SLC9B1: variants seen among roughly 807,000 people sequenced by gnomAD.
SLC9B1 encodes sodium/hydrogen exchanger 9B1.
A neutral mutation model predicts 51.7 loss-of-function variants in SLC9B1; 32 were observed. The observed-to-expected ratio is 0.62, with a 90% CI of 0.47 to 0.83. The LOEUF is 0.83. Ranked by LOEUF, SLC9B1 falls within the 40% of genes least tolerant of loss-of-function variation. The probability of loss-of-function intolerance (pLI) is 0.00; values close to 1 mark genes in which losing one functional copy is unlikely to be tolerated. For synonymous variants in SLC9B1, 145 were observed against 212.7 expected (o/e 0.68, Z 2.77); for missense variants, 406 against 613.2 (o/e 0.66, Z 3.57).
chr4:103,006,506 G>A (rs1215456397), intron 1 of SLC9B1, among the ~76,000 whole-genome samples: 1 of 151,954 alleles, frequency 6.6e-6, no homozygotes, highest in East Asian at 1.9e-4. Flanking sequence ...TAATAAAAAG[G>A]TTACCAACTA....
Position 102,996,237 on chromosome 4 carries a change from A to T in SLC9B1, c.-1-4525T>A, listed in dbSNP as rs1012354898. The stretch of plus-strand genomic sequence containing the variant: ...CTTGTCCATTTTTTTGTTGTACTGG[A>T]TCCCATTTTCATACTGATTTGTTGG... On this transcript the variant is annotated intron_variant, in intron 1 of 11. Transcript: ENST00000296422. Among the ~76,000 whole-genome samples, 3 of 152,150 alleles carry T rather than the reference A, an allele frequency of 2.0e-5. No individual in the cohort carries two copies. In the East Asian group the frequency reaches 5.8e-4, roughly 29 times the overall value.
intron 7 of SLC9B1, among the ~76,000 whole-genome samples, chr4:102,929,946 A>G (rs1184088577): frequency 6.6e-6 from 1 of 152,258 alleles, no homozygotes; most frequent in Non-Finnish European, 1.5e-5. Context: ...TGGTAAAAAG[A>G]GTGAGAAAAT....
chr4:102,900,163 C>A (rs964804722), downstream of SLC9B1, among the ~76,000 whole-genome samples: 1 of 152,028 alleles, frequency 6.6e-6, no homozygotes. Context: ...TGAGCTTTTG[C>A]CAAAGAAGTC....
intron 7 of SLC9B1, among the ~76,000 whole-genome samples, chr4:102,921,342 T>A (rs1232124648): frequency 3.3e-5 from 5 of 152,128 alleles, no homozygotes; most frequent in Admixed American, 6.5e-5. Context: ...AATAAAATCC[T>A]TTACAGACAA....
At chr4:102,980,763 C>G (rs1406966537) in intron 3 of SLC9B1, among the ~76,000 whole-genome samples, 1 of 152,038 alleles carries the variant, frequency 6.6e-6, no homozygotes, top group Non-Finnish European at 1.5e-5. Flanking sequence ...AAAAAAATCC[C>G]GGCTCCCACA....
At chr4:103,000,116 C>T (rs1740443333) in intron 1 of SLC9B1, among the ~76,000 whole-genome samples, 1 of 152,260 alleles carries the variant, frequency 6.6e-6, no homozygotes, top group African/African-American at 2.4e-5. Flanking sequence ...TCACCTTCCT[C>T]CCTTGACACA....
At chr4:102,999,269 TC>T (rs1740393271) in intron 1 of SLC9B1, among the ~76,000 whole-genome samples, 1 of 152,258 alleles carries the variant, frequency 6.6e-6, no homozygotes. Context: ...GTTGATAGTG[TC>T]CTTTGTTGCA....
At chr4:102,966,494 G>A (rs1738436618) in intron 3 of SLC9B1, among the ~76,000 whole-genome samples, 1 of 152,212 alleles carries the variant, frequency 6.6e-6, no homozygotes, top group African/African-American at 2.4e-5. Flanking sequence ...TTTATGGTTT[G>A]TATCTTGTGG....
chr4:103,002,213 C>T (rs549439802), intron 1 of SLC9B1, among the ~76,000 whole-genome samples: 109 of 152,306 alleles, frequency 7.2e-4, no homozygotes, highest in African/African-American at 2.5e-3. Context: ...ATCAGGCATA[C>T]CTTACCATTT....
chr4:102,929,335 C>G (rs1036262638), intron 7 of SLC9B1, among the ~76,000 whole-genome samples: 18 of 152,214 alleles, frequency 1.2e-4, no homozygotes, highest in South Asian at 6.2e-4. Context: ...ATCTTGGCTC[C>G]CCTACTTACT....
intron 1 of SLC9B1, among the ~76,000 whole-genome samples, chr4:103,003,561 A>G (rs1740635797): frequency 6.6e-6 from 1 of 152,152 alleles, no homozygotes. Context: ...CTGCTGCCCT[A>G]CTTCCACTGA....
intron 11 of SLC9B1, among the ~76,000 whole-genome samples, chr4:102,895,094 G>T (rs190818158): frequency 6.6e-6 from 1 of 152,252 alleles, no homozygotes; most frequent in East Asian, 1.9e-4. Flanking sequence ...AAAGACTATT[G>T]AGAGGAACTT....
intron 1 of SLC9B1, among the ~76,000 whole-genome samples, chr4:103,011,742 G>T (rs1215658828): frequency 1.3e-5 from 2 of 152,188 alleles, no homozygotes; most frequent in African/African-American, 4.8e-5. Context: ...TTGAGCCACA[G>T]CTGGTGTGGC....
intron 3 of SLC9B1, among the ~76,000 whole-genome samples, chr4:102,957,113 G>C (rs1328839878): frequency 6.6e-6 from 1 of 151,928 alleles, no homozygotes; most frequent in African/African-American, 2.4e-5. Context: ...GACCAATAGA[G>C]GTTAATCAAT....
At chr4:103,008,015 CTTACTGGTTTATAT>C (rs1740880622) in intron 1 of SLC9B1, among the ~76,000 whole-genome samples, 1 of 152,090 alleles carries the variant, frequency 6.6e-6, no homozygotes, top group Non-Finnish European at 1.5e-5. Flanking sequence ...AATAAGACTT[CTTACTGGTTTATAT>C]TCCAGTGTCT....
chr4:103,003,895 C>A (rs1208513898), intron 1 of SLC9B1, among the ~76,000 whole-genome samples: 1 of 152,124 alleles, frequency 6.6e-6, no homozygotes, highest in East Asian at 1.9e-4. Context: ...CCACCTTATA[C>A]CACAACCAAA....
chr4:102,910,822 T>C lies in SLC9B1; in HGVS notation c.937-234A>G, dbSNP rs189688906. ...GCCATATCTCTGATACTAGTATCAG[T>C]AATATGGTTAAAGTATTACTATAAG... On this transcript the variant is annotated intron_variant, in intron 8 of 11. Coordinates refer to ENST00000296422, the MANE Select transcript of SLC9B1 (RefSeq NM_139173.4). Among the ~76,000 whole-genome samples, 222 of 152,242 alleles carry C rather than the reference T, an allele frequency of 1.5e-3. 2 individuals are homozygous for C. The highest frequency in any genetic ancestry group is 5.2e-3 in the African/African-American group (218 of 41,548).
At chr4:102,972,451 G>A (rs142099852) in intron 3 of SLC9B1, among the ~76,000 whole-genome samples, 2,546 of 152,240 alleles carry the variant, frequency 0.017, 70 homozygotes, top group African/African-American at 0.055. Context: ...TCACCATGTT[G>A]CCTAGGTTAG....
At chr4:102,921,068 A>C (rs1735849450) in intron 7 of SLC9B1, among the ~76,000 whole-genome samples, 2 of 152,200 alleles carry the variant, frequency 1.3e-5, no homozygotes, top group African/African-American at 4.8e-5. Context: ...GAACACCACA[A>C]AAATACTCCT....
Sources: gnomAD v4.1 joint callset for allele counts (sites outside exome capture counted in the v4.1 genomes callset) on GRCh38, gnomAD v4.1.1 for gene constraint, MANE v1.5 for transcripts, NCBI Gene and HGNC (gene_info 2026-07-23, HGNC 2026-07-21) for gene names.